The following TNS2 variants were observed in gnomAD, a reference collection of about 807,000 sequenced individuals.
TNS2 encodes tensin-2.
In TNS2, 77 loss-of-function variants were observed where a neutral mutation model predicts 155.7. That is an observed-to-expected ratio of 0.49 (90% confidence interval 0.41 to 0.60). The LOEUF (loss-of-function observed/expected upper bound fraction) is 0.60, where lower values mean the gene tolerates loss of function less well. TNS2 is among the 20% of genes least tolerant of loss of function. The pLI, the probability that TNS2 is intolerant of heterozygous loss-of-function variation, is 0.00. For missense variants in TNS2, 1,703 were observed against 1,868.8 expected (o/e 0.91, Z 1.64); for synonymous variants, 726 against 763.9 (o/e 0.95, Z 0.82).
Position 53,062,692 on chromosome 12 carries a change from G to A in TNS2, c.3818G>A (p.Gly1273Asp), listed in dbSNP as rs200670407. Residue 1273 changes from glycine to aspartate, a missense_variant, in exon 25 of 29, where the codon GGT becomes GAT. By Grantham distance (94) the Gly-to-Asp change is moderately conservative. Transcript: ENST00000314250. Reference sequence around the variant, plus strand: ...ACAGCGGCAGACCTCCTGCGTCAGGGTGCTGGTAGAGACTTCCCCTCCACT... The same window carrying A: ...ACAGCGGCAGACCTCCTGCGTCAGGATGCTGGTAGAGACTTCCCCTCCACT... ...MSTAADLLRQ[G>D]AACSVLYLTS... The A allele has an allele frequency of 1.4e-4, 226 of 1,613,890 alleles. 1 individual carries two copies. Among genetic ancestry groups the A allele is most frequent in the Non-Finnish European group, 3.4e-6 (4 of 1,179,946 alleles).
At chr12:53,051,817 C>A in intron 1 of TNS2, 38 bp from the exon 2 acceptor site, 1 of 1,545,858 alleles carries the variant, frequency 6.5e-7, no homozygotes, top group Non-Finnish European at 8.9e-7. Flanking sequence ...GATGGGCCCA[C>A]TGGGAACTCA....
intron 23 of TNS2, 33 bp from the exon 24 acceptor site, chr12:53,062,343 C>T (rs944440149): frequency 4.3e-6 from 7 of 1,613,322 alleles, no homozygotes; most frequent in Non-Finnish European, 5.9e-6. Flanking sequence ...GCACCCTGGG[C>T]ATCTCGGGAC....
chr12:53,055,755 C>T lies in TNS2; in HGVS notation c.697-26C>T, dbSNP rs778269902. 2.8e-5 allele frequency: 45 copies of T among 1,614,228 alleles called. No homozygotes were observed. In the South Asian group the frequency reaches 4.7e-4, roughly 17 times the overall value. On this transcript the variant is annotated intron_variant, in intron 9 of 28. Coordinates refer to ENST00000314250, the MANE Select transcript of TNS2 (RefSeq NM_170754.4). ...CAGGTCAGCCTGGAGCTCCCAGACC[C>T]TCATCCCTGTCTCTCTGTCTGTCAG...
chr12:53,057,725 C>T (rs1208406349), intron 12 of TNS2, 46 bp downstream of exon 12: 10 of 1,613,626 alleles, frequency 6.2e-6, no homozygotes, highest in Admixed American at 5.0e-5. Context: ...CACCTTCAGG[C>T]CCTCTCCACT....
intron 10 of TNS2, 33 bp from the exon 11 acceptor site, chr12:53,056,980 C>T (rs1017369652): frequency 1.3e-6 from 2 of 1,599,042 alleles, no homozygotes; most frequent in Non-Finnish European, 1.7e-6. Context: ...AAGATTAATC[C>T]CTAATCCCCA....
rs781042393 is a variant in TNS2, at chr12:53,061,173, G to C, written c.3267G>C (p.Trp1089Cys). 3 of 1,602,394 alleles carry C rather than the reference G, an allele frequency of 1.9e-6. No individual in the cohort carries two copies. The South Asian group carries it at 3.4e-5, about 18-fold the overall frequency. ...GGCCGGGGCAACAGCCAGGACCCTG[G>C]GGCCCAGAGCAGGCATCATCGCCAG... ...LPGPGQQPGP[W>C]GPEQASSPAR... The change falls in exon 20 of 29, where the codon TGG becomes TGC. Residue 1089 changes from tryptophan (W) to cysteine (C), a missense_variant. By Grantham distance (215) the Trp-to-Cys change is radical. Coordinates refer to ENST00000314250, the MANE Select transcript of TNS2 (RefSeq NM_170754.4).
upstream of TNS2, chr12:53,049,293 C>T: frequency 6.5e-7 from 1 of 1,542,310 alleles, no homozygotes; most frequent in Non-Finnish European, 8.9e-7. Flanking sequence ...GGGTGCAGCC[C>T]TTGGGTAGAG....
rs111897756 is a variant in TNS2 at position 53,060,037 on chromosome 12, G to T, written c.2396G>T (p.Cys799Phe). The change falls in exon 18 of 29, where the codon TGC (cysteine) becomes TTC (phenylalanine). Residue 799 changes from cysteine (C) to phenylalanine (F), a missense_variant. Coordinates refer to ENST00000314250, the MANE Select transcript of TNS2 (RefSeq NM_170754.4). The surrounding 1 kb of genome is among the most constrained non-coding windows in gnomAD (Gnocchi z 6.1). The stretch of plus-strand genomic sequence containing the variant: ...TATGGAGGAGCAGTTCCCAGTTACT[G>T]CCCAGCATATGGCCGTGTGCCTCAT... The part of the protein sequence containing the change: ...YSYGGAVPSY[C>F]PAYGRVPHSC... 2.5e-6 allele frequency: 4 copies of T among 1,613,558 alleles called. No individual in the cohort carries two copies. In the African/African-American group the frequency reaches 4.0e-5, roughly 16 times the overall value.
chr12:53,051,920 AGTAT>A lies in TNS2; in HGVS notation c.145_148del (p.Cys49ArgfsTer2). On this transcript the variant is annotated frameshift_variant, in exon 2 of 29. Transcript: ENST00000314250. LOFTEE classifies it high-confidence loss of function. ...TCCGGAAGAAACCTCCAGTCTGTGC[AGTAT>A]GTAAGGTGACCATCGATGGGACAGG... 3 of 1,613,694 alleles carry A rather than the reference AGTAT, an allele frequency of 1.9e-6. No individual in the cohort carries two copies. Among genetic ancestry groups the A allele is most frequent in the Non-Finnish European group, 2.5e-6 (3 of 1,179,764 alleles).
At chr12:53,061,608 G>A (rs988108672) in intron 21 of TNS2, 139 bp downstream of exon 21, 11 of 1,310,606 alleles carry the variant, frequency 8.4e-6, no homozygotes, top group African/African-American at 1.5e-5. Flanking sequence ...TTACCAGCAG[G>A]TGATTCTGGG....
rs775207389 is a variant in TNS2 at position 53,058,354 on chromosome 12, G to A, written c.1134G>A (p.Arg378=). ...ACAAGGGTGGCCGGGGCACAGACCG[G>A]ACCCTCGTGTTCCGAGTCCAGTTCC... ...CYHKGGRGTD[R]TLVFRVQFHT... The change falls in exon 15 of 29, where the codon CGG becomes CGA. Residue 378 remains arginine, a synonymous_variant. Coordinates refer to ENST00000314250, the MANE Select transcript of TNS2 (RefSeq NM_170754.4). 3.1e-6 allele frequency: 5 copies of A among 1,614,166 alleles called. No homozygotes were observed. The South Asian group carries it at 4.4e-5, about 14-fold the overall frequency.
In TNS2 at chr12:53,063,957, C is replaced by T. The variant is rs1042239338; in HGVS notation, c.*75C>T. ...ACCCCACAGCCCTCACATCCCCTGG[C>T]CTGGACCCAGGAGACCCAGGAGAAA... On this transcript the variant is annotated 3_prime_UTR_variant, in exon 29 of 29. Transcript: ENST00000314250. This position sits in a 1 kb window ranked among gnomAD's most constrained non-coding sequence, Gnocchi z 5.6. 6.5e-7 allele frequency: 1 copy of T among 1,545,426 alleles called. No individual in the cohort carries two copies. Among genetic ancestry groups the T allele is most frequent in the Non-Finnish European group, 8.8e-7 (1 of 1,137,120 alleles).
At chr12:53,047,329 T>TGCCCC (rs1299594693), upstream of TNS2, among the ~76,000 whole-genome samples, 19 of 142,088 alleles carry the variant, frequency 1.3e-4, no homozygotes, top group Admixed American at 8.4e-4. Context: ...CCCCTGCTGC[T>TGCCCC]GCCCCGCCCC....
In TNS2 at chr12:53,055,183, C is replaced by T; in HGVS notation, c.523-3C>T. On this transcript the variant is annotated splice_polypyrimidine_tract_variant and splice_region_variant and intron_variant, in intron 7 of 28. Transcript: ENST00000314250. Reference sequence around the variant, plus strand: ...TGTCTAAAGCCCTCCCCCTTTATTTCAGCTCTTCAACCTTTCAGAGAAAAG... The same window carrying T: ...TGTCTAAAGCCCTCCCCCTTTATTTTAGCTCTTCAACCTTTCAGAGAAAAG... The T allele has an allele frequency of 1.2e-6, 2 of 1,613,962 alleles. No individual in the cohort carries two copies. The highest frequency in any genetic ancestry group is 1.7e-6 in the Non-Finnish European group (2 of 1,179,968).
rs370508882 is a variant in TNS2, at chr12:53,059,646, C to G, written c.2005C>G (p.Arg669Gly). The change falls in exon 18 of 29, where the codon CGC becomes GGC. Residue 669 changes from arginine (R) to glycine (G), a missense_variant. Physicochemically the swap from Arg to Gly is moderately radical, Grantham distance 125. Transcript: ENST00000314250. This position sits in a 1 kb window ranked among gnomAD's most constrained non-coding sequence, Gnocchi z 4.7. ...GKPATGDFGY[R>G]APGYREVVIL... Reference sequence around the variant, plus strand: ...ACCAGCCACTGGGGACTTTGGCTACCGCGCCCCAGGCTACCGGGAGGTGGT... The same window carrying G: ...ACCAGCCACTGGGGACTTTGGCTACGGCGCCCCAGGCTACCGGGAGGTGGT... The G allele has an allele frequency of 1.7e-5, 27 of 1,613,178 alleles. No individual in the cohort carries two copies. The South Asian group carries it at 3.0e-4, about 18-fold the overall frequency.
rs767197726 is a variant in TNS2, at chr12:53,061,235, T to C, written c.3329T>C (p.Leu1110Pro). Reference sequence around the variant, plus strand: ...AGTCACCATGTCACCTTCGCACCTCTGCTCTCAGATAATGTCCCCCAAACC... The same window carrying C: ...AGTCACCATGTCACCTTCGCACCTCCGCTCTCAGATAATGTCCCCCAAACC... ...GISHHVTFAP[L>P]LSDNVPQTPE... The change falls in exon 20 of 29, where the codon CTG becomes CCG. Residue 1110 changes from leucine to proline, a missense_variant. By Grantham distance (98) the Leu-to-Pro change is moderately conservative. Transcript: ENST00000314250. The C allele has an allele frequency of 6.4e-7, 1 of 1,568,872 alleles. No individual in the cohort carries two copies. The highest frequency in any genetic ancestry group is 1.2e-5 in the South Asian group (1 of 83,004).
chr12:53,058,942 C>A, intron 17 of TNS2, 105 bp from the exon 18 acceptor site: 5 of 1,550,436 alleles, frequency 3.2e-6, no homozygotes, highest in South Asian at 2.3e-5. Flanking sequence ...CCGAGAGACA[C>A]CCCCGGCCCG....
intron 13 of TNS2, 93 bp downstream of exon 13, chr12:53,057,926 G>A (rs966022378): frequency 2.5e-5 from 40 of 1,607,766 alleles, no homozygotes; most frequent in Non-Finnish European, 3.3e-5. Context: ...AGACACCTGG[G>A]CAGGGCTCAG....
rs754267409 is a variant in TNS2 at position 53,059,134 on chromosome 12, C to T, written c.1493C>T (p.Ser498Phe). 2 of 1,590,358 alleles carry T rather than the reference C, an allele frequency of 1.3e-6. No homozygotes were observed. Among genetic ancestry groups the T allele is most frequent in the Non-Finnish European group, 1.7e-6 (2 of 1,171,798 alleles). Residue 498 changes from serine (S) to phenylalanine (F), a missense_variant, in exon 18 of 29, where the codon TCT becomes TTT. Ser to Phe is a radical substitution (Grantham distance 155, BLOSUM62 -2). Coordinates refer to ENST00000314250, the MANE Select transcript of TNS2 (RefSeq NM_170754.4). This position sits in a 1 kb window ranked among gnomAD's most constrained non-coding sequence, Gnocchi z 4.7. Reference protein sequence around the residue: ...RPPRQTPPAPSPEPPPPPMLS... With the variant: ...RPPRQTPPAPFPEPPPPPMLS... ...CCCCGGCAGACCCCCCCGGCACCCT[C>T]TCCAGAGCCTCCACCACCCCCCATG...
Sources: allele counts gnomAD v4.1 joint callset (sites outside exome capture counted in the v4.1 genomes callset), GRCh38; gene constraint gnomAD v4.1.1; non-coding constraint Gnocchi (gnomAD v3.1); transcripts MANE v1.5; gene names NCBI Gene and HGNC (gene_info 2026-07-23, HGNC 2026-07-21).